The following PVT1 variants were observed in gnomAD, a reference collection of about 807,000 sequenced individuals.
The protein encoded by PVT1 is CXCR4/PVT1 fusion.
chr8:127,822,128 A>C (rs923144173), intron 2 of PVT1, among the ~76,000 whole-genome samples: 3 of 152,260 alleles, frequency 2.0e-5, no homozygotes, highest in African/African-American at 2.4e-5. Context: ...GAATTAGTGC[A>C]TATAAAGTGC....
At chr8:127,928,286 C>G (rs1172164398) in intron 3 of PVT1, among the ~76,000 whole-genome samples, 1 of 152,064 alleles carries the variant, frequency 6.6e-6, no homozygotes, top group Non-Finnish European at 1.5e-5. Flanking sequence ...ACCAGAATCC[C>G]CCTTACTCCT....
chr8:127,967,381 G>A (rs900193802), intron 3 of PVT1, among the ~76,000 whole-genome samples: 4 of 152,238 alleles, frequency 2.6e-5, no homozygotes, highest in Admixed American at 2.6e-4. Flanking sequence ...CTGCGCTCTT[G>A]TTTGCCCAAG....
intron 2 of PVT1, among the ~76,000 whole-genome samples, chr8:127,882,976 G>A (rs149390542): frequency 6.6e-6 from 1 of 152,030 alleles, no homozygotes. Flanking sequence ...TTCTGCAAGA[G>A]AGGGAAAGAG....
intron 2 of PVT1, among the ~76,000 whole-genome samples, chr8:127,874,802 C>T (rs1815387298): frequency 6.6e-6 from 1 of 152,206 alleles, no homozygotes; most frequent in Non-Finnish European, 1.5e-5. Context: ...TCCTTCACAT[C>T]CCTGGTGGGT....
chr8:128,011,733 G>C (rs1018169374), intron 4 of PVT1, among the ~76,000 whole-genome samples: 4 of 152,214 alleles, frequency 2.6e-5, no homozygotes, highest in Admixed American at 2.0e-4. Flanking sequence ...CTTGATGGTG[G>C]TGATATTCAA....
At chr8:127,864,764 G>A (rs58807683) in intron 2 of PVT1, among the ~76,000 whole-genome samples, 2,993 of 152,180 alleles carry the variant, frequency 0.02, 101 homozygotes, top group African/African-American at 0.069. Context: ...TAGCCAGGAT[G>A]GTCTCGATCT....
intron 3 of PVT1, among the ~76,000 whole-genome samples, chr8:127,921,928 T>C (rs898862021): frequency 7.4e-5 from 10 of 134,932 alleles, no homozygotes; most frequent in Non-Finnish European, 1.6e-4. Context: ...TGGCGTGATC[T>C]TAGCTCACTG....
intron 4 of PVT1, among the ~76,000 whole-genome samples, chr8:128,003,264 T>A (rs1223447505): frequency 1.5e-4 from 21 of 139,628 alleles, no homozygotes; most frequent in Admixed American, 2.8e-4. Flanking sequence ...CCTTCCTTCT[T>A]TCCCTCCTTC....
At chr8:128,073,446 A>G (rs1055124417) in intron 5 of PVT1, among the ~76,000 whole-genome samples, 1 of 152,136 alleles carries the variant, frequency 6.6e-6, no homozygotes, top group Non-Finnish European at 1.5e-5. Flanking sequence ...GGCACCAGCC[A>G]GTGAGGCTCA....
At chr8:128,076,329 A>C (rs1379029471) in intron 5 of PVT1, among the ~76,000 whole-genome samples, 1 of 152,014 alleles carries the variant, frequency 6.6e-6, no homozygotes, top group African/African-American at 2.4e-5. Context: ...CCTTCACTAT[A>C]TGTTGGGGTG....
chr8:127,965,726 C>T (rs1028625775), intron 3 of PVT1, among the ~76,000 whole-genome samples: 2 of 152,194 alleles, frequency 1.3e-5, no homozygotes, highest in African/African-American at 2.4e-5. Flanking sequence ...AGCTGGGTGT[C>T]CGAGCCTCTG....
chr8:128,004,410 G>C (rs73355681), intron 4 of PVT1, among the ~76,000 whole-genome samples: 286 of 152,258 alleles, frequency 1.9e-3, no homozygotes, highest in African/African-American at 6.4e-3. Flanking sequence ...CTCTACATTT[G>C]CTCATCCTGG....
intron 2 of PVT1, among the ~76,000 whole-genome samples, chr8:127,841,399 A>G (rs1336144735): frequency 6.6e-6 from 1 of 151,856 alleles, no homozygotes; most frequent in African/African-American, 2.4e-5. Context: ...TCAGCCTCTC[A>G]AGTAGCTGGG....
chr8:128,066,546 C>CA (rs1342907360), intron 4 of PVT1, among the ~76,000 whole-genome samples: 1 of 152,190 alleles, frequency 6.6e-6, no homozygotes, highest in African/African-American at 2.4e-5. Context: ...ACCTGCAAGG[C>CA]AAAATAAGTT....
chr8:128,036,538 G>T (rs1287599371), intron 4 of PVT1, among the ~76,000 whole-genome samples: 2 of 152,192 alleles, frequency 1.3e-5, no homozygotes, highest in Non-Finnish European at 2.9e-5. Context: ...GGGTGCCCGA[G>T]ACCCAGCGCT....
At chr8:128,019,512 A>G (rs1817410174) in intron 4 of PVT1, among the ~76,000 whole-genome samples, 1 of 152,230 alleles carries the variant, frequency 6.6e-6, no homozygotes, top group Non-Finnish European at 1.5e-5. Flanking sequence ...AAAGCTTTAA[A>G]AACGAGTTCG....
intron 5 of PVT1, among the ~76,000 whole-genome samples, chr8:128,085,201 C>G (rs1814241048): frequency 1.3e-5 from 2 of 152,124 alleles, no homozygotes; most frequent in Non-Finnish European, 2.9e-5. Context: ...CAGCTGAGCT[C>G]CCAGCATCAG....
At chr8:127,955,015 G>A (rs1352936176) in intron 3 of PVT1, among the ~76,000 whole-genome samples, 1 of 152,222 alleles carries the variant, frequency 6.6e-6, no homozygotes, top group Non-Finnish European at 1.5e-5. Context: ...GTTATGGGCT[G>A]AATTGTGTCT....
intron 2 of PVT1, among the ~76,000 whole-genome samples, chr8:127,839,827 G>A (rs1418287375): frequency 2.0e-5 from 3 of 152,134 alleles, no homozygotes; most frequent in Non-Finnish European, 4.4e-5. Flanking sequence ...TGCCAGGGCT[G>A]GGGAGGATTG....
Sources: gnomAD v4.1 joint callset for allele counts (sites outside exome capture counted in the v4.1 genomes callset) on GRCh38, gnomAD v4.1.1 for gene constraint, MANE v1.5 for transcripts, NCBI Gene and HGNC (gene_info 2026-07-23, HGNC 2026-07-21) for gene names.